Variants in MELTF observed in about 807,000 individuals in gnomAD.
MELTF encodes the protein melanotransferrin.
In MELTF, 67 loss-of-function variants were observed where a neutral mutation model predicts 83.7. The observed-to-expected ratio is 0.80, with a 90% confidence interval of 0.66 to 0.98. The LOEUF (loss-of-function observed/expected upper bound fraction) is 0.98, where lower values mean the gene tolerates loss of function less well. Ranked by LOEUF, MELTF falls within the 50% of genes least tolerant of loss-of-function variation. The pLI, the probability that MELTF is intolerant of heterozygous loss-of-function variation, is 0.00. For missense variants in MELTF, 1,002 were observed against 1,035.6 expected (o/e 0.97, Z 0.44); for synonymous variants, 462 against 447.6 (o/e 1.03, Z -0.41).
At position 197,006,584 on chromosome 3, in the gene MELTF, T is replaced by C; in HGVS notation, c.1903A>G (p.Ile635Val). ...HAVMVRPDTN[I>V]FTVYGLLDKA... The stretch of plus-strand genomic sequence containing the variant: ...TCCAGCAGTCCATACACGGTGAAGA[T>C]GTTGGTGTCGGGCCGGACCATCACG... The change falls in exon 14 of 16, where the codon ATC becomes GTC. Residue 635 changes from isoleucine to valine, a missense_variant. Transcript: ENST00000296350. The surrounding 1 kb of genome is among the most constrained non-coding windows in gnomAD (Gnocchi z 5.4). 1.2e-6 allele frequency: 2 copies of C among 1,613,736 alleles called. No individual in the cohort carries two copies. The highest frequency in any genetic ancestry group is 1.7e-6 in the Non-Finnish European group (2 of 1,179,830).
rs1415184272 is a variant in MELTF, at chr3:197,008,677, G to A, written c.1730C>T (p.Thr577Ile). 1.2e-6 allele frequency: 2 copies of A among 1,613,990 alleles called. No individual in the cohort carries two copies. Among genetic ancestry groups the A allele is most frequent in the Non-Finnish European group, 1.7e-6 (2 of 1,180,004 alleles). The change falls in exon 13 of 16, where the codon ACC (threonine) becomes ATC (isoleucine). Residue 577 changes from threonine (T) to isoleucine (I), a missense_variant. Physicochemically the swap from Thr to Ile is moderately conservative, Grantham distance 89 (BLOSUM62 -1). Transcript: ENST00000296350. This position sits in a 1 kb window ranked among gnomAD's most constrained non-coding sequence, Gnocchi z 5.4. ...AGDVAFVRHT[T>I]VFDNTNGHNS... is the part of the protein sequence containing the mutation. ...CCTACCGTTTGTGTTGTCAAAGACG[G>A]TTGTGTGCCTGACGAAGGCAACGTC...
rs1719526990 is a variant in MELTF, at chr3:197,019,327, G to T, written c.713-2037C>A. On this transcript the variant is annotated intron_variant, in intron 6 of 15. Coordinates refer to ENST00000296350, the MANE Select transcript of MELTF (RefSeq NM_005929.6). ...CCGCTTCTCCTCAGCCAAGAACAAT[G>T]AAAGTCCTGTCACTTCCCTGCTTTA... 9 of 1,105,210 alleles carry T rather than the reference G, an allele frequency of 8.1e-6. No individual in the cohort carries two copies. The South Asian group carries it at 3.2e-4, about 39-fold the overall frequency. The allele number at this position is 1,105,210 out of a possible 1,614,324, so 68.5% of individuals were successfully genotyped here.
rs1172117210 is a variant in MELTF, at chr3:197,017,670, G to T, written c.713-380C>A. On this transcript the variant is annotated intron_variant, in intron 6 of 15. Transcript: ENST00000296350. ...AGGTGGGCGGATCACGAGGTCAGGA[G>T]ATCAAGACCATCCTGGCTAACACGG... is the stretch of plus-strand genomic sequence containing the variant. Among the ~76,000 whole-genome samples the T allele has an allele frequency of 2.0e-5, 3 of 152,204 alleles. No homozygotes were observed. The East Asian group carries it at 5.8e-4, about 29-fold the overall frequency.
At position 197,024,120 on chromosome 3, in the gene MELTF, A is replaced by T. The variant is rs890732239; in HGVS notation, c.487+183T>A. On this transcript the variant is annotated intron_variant, in intron 4 of 15. Transcript: ENST00000296350. The surrounding 1 kb of genome is among the most constrained non-coding windows in gnomAD (Gnocchi z 5.3). ...CAGGGTCCAAGCAAGCAGGAAGTCA[A>T]GCGGCGGCGCCGGCGGCAGAGTGGA... 1.5e-5 allele frequency among the ~76,000 whole-genome samples: 2 copies of T among 137,670 alleles called. No individual in the cohort carries two copies. The highest frequency in any genetic ancestry group is 3.1e-5 in the Non-Finnish European group (2 of 64,544). The allele number at this position is 137,670 out of a possible 152,430, so 90.3% of individuals were successfully genotyped here.
chr3:197,018,373 G>C (rs1182839392), intron 6 of MELTF, among the ~76,000 whole-genome samples: 1 of 151,910 alleles, frequency 6.6e-6, no homozygotes, highest in African/African-American at 2.4e-5. Context: ...GGATGGTCTT[G>C]ATCTCCTGAC....
chr3:197,021,839 TTC>T (rs147341108), intron 5 of MELTF, among the ~76,000 whole-genome samples: 1 of 152,224 alleles, frequency 6.6e-6, no homozygotes, highest in East Asian at 1.9e-4. Context: ...GGCGTCGGTT[TTC>T]TGTGTGTTTG....
At chr3:197,023,618 A>G (rs1037590536) in intron 4 of MELTF, among the ~76,000 whole-genome samples, 13 of 152,098 alleles carry the variant, frequency 8.5e-5, no homozygotes, top group African/African-American at 3.1e-4. Flanking sequence ...ACCCACAAGT[A>G]TTTATCCTGT....
In MELTF at chr3:197,021,433, T is replaced by C; in HGVS notation, c.683A>G (p.Lys228Arg). Residue 228 changes from lysine (K) to arginine (R), a missense_variant, in exon 6 of 16, where the codon AAG becomes AGG. By Grantham distance (26) the Lys-to-Arg change is conservative (BLOSUM62 2). Transcript: ENST00000296350. ...AEGAGDVAFV[K>R]HSTVLENTDG... ...CGTGTTCTCCAGTACCGTGCTGTGC[T>C]TCACAAAAGCCACGTCCCCTGCCCC... 3 of 1,614,132 alleles carry C rather than the reference T, an allele frequency of 1.9e-6. No homozygotes were observed. Among genetic ancestry groups the C allele is most frequent in the Non-Finnish European group, 2.5e-6 (3 of 1,180,028 alleles).
chr3:197,025,366 G>A (rs1171380801), intron 3 of MELTF, among the ~76,000 whole-genome samples: 5 of 152,160 alleles, frequency 3.3e-5, no homozygotes, highest in South Asian at 4.1e-4. Context: ...TGACTCACCC[G>A]CCTTGTTTCT....
Position 197,027,764 on chromosome 3 carries a change from G to T in MELTF, c.196C>A (p.Leu66Ile). Residue 66 changes from leucine (L) to isoleucine (I), a missense_variant, in exon 2 of 16, where the codon CTC becomes ATC. Coordinates refer to ENST00000296350, the MANE Select transcript of MELTF (RefSeq NM_005929.6). ...RGTSADHCVQLIAAQEADAIT... is the reference protein window; with the variant it reads ...RGTSADHCVQIIAAQEADAIT... ...GAAGGGAGAGGACTCACCGCGATGA[G>T]CTGGACGCAGTGGTCGGCGGAGGTG... 1 of 1,609,498 alleles carries T rather than the reference G, an allele frequency of 6.2e-7. No homozygotes were observed.
rs1438667446 is a variant in MELTF, at chr3:197,002,194, C to CACCGGGA, written c.*1171_*1177dup. On this transcript the variant is annotated 3_prime_UTR_variant, in exon 16 of 16. Transcript: ENST00000296350. ...CCGACGCCCGCAGGTGGGGGCGAGCCACCGGGAACCGGGCCTGTCACCAGC... is the reference window on the plus strand; with the variant it reads ...CCGACGCCCGCAGGTGGGGGCGAGCCACCGGGAACCGGGAACCGGGCCTGTCACCAGC... The CACCGGGA allele has an allele frequency of 6.6e-6, 1 of 152,260 alleles. No individual in the cohort carries two copies. Among genetic ancestry groups the CACCGGGA allele is most frequent in the Non-Finnish European group, 1.5e-5 (1 of 68,058 alleles). The allele number at this position is 152,260 out of a possible 1,614,324, so 9.4% of individuals were successfully genotyped here. A position where few individuals can be genotyped will look rare whatever the true frequency, so the allele number is the denominator to read the frequency against.
intron 5 of MELTF, among the ~76,000 whole-genome samples, chr3:197,021,845 GTGTT>G (rs774318081): frequency 8.5e-5 from 13 of 152,166 alleles, no homozygotes; most frequent in East Asian, 1.9e-4. Context: ...GGTTTTCTGT[GTGTT>G]TGTTTTCGTT....
At position 197,024,311 on chromosome 3, in the gene MELTF, ACATCGCAGCC is replaced by A. The variant is rs1719758672; in HGVS notation, c.469_478del (p.Gly157TyrfsTer68). 1 of 1,569,400 alleles carries A rather than the reference ACATCGCAGCC, an allele frequency of 6.4e-7. No individual in the cohort carries two copies. Among genetic ancestry groups the A allele is most frequent in the Non-Finnish European group, 8.7e-7 (1 of 1,153,486 alleles). ...CAGCCCAAAGCCCTCACCTTTGAGTACATCGCAGCCCATCACCGAGAGGCGGCCGCTCTCC... is the reference window on the plus strand; with the variant it reads ...CAGCCCAAAGCCCTCACCTTTGAGTACATCACCGAGAGGCGGCCGCTCTCC... On this transcript the variant is annotated frameshift_variant, in exon 4 of 16. Transcript: ENST00000296350. LOFTEE classifies it high-confidence loss of function. The surrounding 1 kb of genome is among the most constrained non-coding windows in gnomAD (Gnocchi z 5.3).
rs1454379084 is a variant in MELTF at position 197,017,135 on chromosome 3, C to T, written c.868G>A (p.Gly290Ser). 1.9e-6 allele frequency: 3 copies of T among 1,612,396 alleles called. No homozygotes were observed. Among genetic ancestry groups the T allele is most frequent in the Non-Finnish European group, 1.7e-6 (2 of 1,179,728 alleles). The change falls in exon 7 of 16, where the codon GGC becomes AGC. Residue 290 changes from glycine to serine, a missense_variant. By Grantham distance (56) the Gly-to-Ser change is moderately conservative. Transcript: ENST00000296350. ...TCGTTGAGCAGCCGGAAGATGAGGCCCCCATCTGTGTCGGCCCGGACCACC... is the reference window on the plus strand; with the variant it reads ...TCGTTGAGCAGCCGGAAGATGAGGCTCCCATCTGTGTCGGCCCGGACCACC... The part of the protein sequence containing the change: ...AVVVRADTDG[G>S]LIFRLLNEGQ...
At chr3:197,017,369 T>A (rs1719425475) in intron 6 of MELTF, 79 bp from the exon 7 acceptor site, 1 of 1,314,002 alleles carries the variant, frequency 7.6e-7, no homozygotes, top group East Asian at 2.6e-5. Context: ...GGAGAGGGAA[T>A]CTGAGGGGTG....
chr3:197,009,601 TA>T lies in MELTF; in HGVS notation c.1525+16del, dbSNP rs776857867. The T allele has an allele frequency of 9.8e-4, 1,565 of 1,594,228 alleles. 1 individual carries two copies. The highest frequency in any genetic ancestry group is 1.3e-3 in the Non-Finnish European group (1,471 of 1,164,232). On this transcript the variant is annotated intron_variant, in intron 11 of 15. Transcript: ENST00000296350. ...AGAAGGCTTCCCCAGTCTGCGTTCC[TA>T]AAAAGGGGGGGGTACCTGTGAGGAC...
At chr3:197,017,898 G>A (rs751819146) in intron 6 of MELTF, among the ~76,000 whole-genome samples, 38 of 152,238 alleles carry the variant, frequency 2.5e-4, no homozygotes, top group Admixed American at 9.2e-4. Context: ...AAGGCTTTGG[G>A]TGAGACAGAT....
In MELTF at chr3:197,008,555, G is replaced by A; in HGVS notation, c.1750+102C>T. ...ACAGCCTTCTAGACTCAGCCTCTCTGAGCTGCTGCTTGGCCCCAGCCCAGC... is the reference window on the plus strand; with the variant it reads ...ACAGCCTTCTAGACTCAGCCTCTCTAAGCTGCTGCTTGGCCCCAGCCCAGC... On this transcript the variant is annotated intron_variant, in intron 13 of 15. Coordinates refer to ENST00000296350, the MANE Select transcript of MELTF (RefSeq NM_005929.6). The surrounding 1 kb of genome is among the most constrained non-coding windows in gnomAD (Gnocchi z 5.4). 7.5e-7 allele frequency: 1 copy of A among 1,335,294 alleles called. No homozygotes were observed. The highest frequency in any genetic ancestry group is 1.0e-6 in the Non-Finnish European group (1 of 957,696). The allele number at this position is 1,335,294 out of a possible 1,614,324, so 82.7% of individuals were successfully genotyped here.
intron 9 of MELTF, among the ~76,000 whole-genome samples, chr3:197,013,055 A>C (rs1189756321): frequency 6.6e-6 from 1 of 152,244 alleles, no homozygotes; most frequent in Non-Finnish European, 1.5e-5. Context: ...TTCCAATGAC[A>C]TTCTTTACAG....
Sources: gnomAD v4.1 joint callset for allele counts (sites outside exome capture counted in the v4.1 genomes callset) on GRCh38, gnomAD v4.1.1 for gene constraint, Gnocchi (gnomAD v3.1) non-coding constraint, MANE v1.5 for transcripts, NCBI Gene and HGNC (gene_info 2026-07-23, HGNC 2026-07-21) for gene names.